KCNH7: variants seen among roughly 807,000 people sequenced by gnomAD.
KCNH7 encodes the protein voltage-gated inwardly rectifying potassium channel KCNH7.
KCNH7 carries 49 observed loss-of-function variants against 120.8 expected under a neutral mutation model. That is an observed-to-expected ratio of 0.41 (90% CI 0.32 to 0.51). The LOEUF (loss-of-function observed/expected upper bound fraction) is 0.51. Among genes scored for constraint, KCNH7 ranks in the 20% least tolerant of loss-of-function variants. The pLI, the probability that KCNH7 is intolerant of heterozygous loss-of-function variation, is 0.38. For missense variants in KCNH7, 1,097 were observed against 1,446.6 expected (o/e 0.76, Z 3.92); for synonymous variants, 547 against 516.1 (o/e 1.06, Z -0.81).
intron 2 of KCNH7, among the ~76,000 whole-genome samples, chr2:162,743,929 A>G (rs1688225113): frequency 6.6e-6 from 1 of 152,160 alleles, no homozygotes; most frequent in Non-Finnish European, 1.5e-5. Flanking sequence ...CCTTGACAAA[A>G]TTATCTAGCA....
At chr2:162,578,724 T>C (rs1343052034) in intron 2 of KCNH7, among the ~76,000 whole-genome samples, 1 of 152,058 alleles carries the variant, frequency 6.6e-6, no homozygotes, top group Non-Finnish European at 1.5e-5. Flanking sequence ...TTTGGGTATA[T>C]CCATTTACAA....
intron 2 of KCNH7, among the ~76,000 whole-genome samples, chr2:162,800,213 A>G (rs1245509913): frequency 6.6e-6 from 1 of 151,780 alleles, no homozygotes; most frequent in Non-Finnish European, 1.5e-5. Flanking sequence ...CATTGTAGAA[A>G]ATGAATGTAA....
chr2:162,630,014 C>T (rs965715914), intron 2 of KCNH7, among the ~76,000 whole-genome samples: 1 of 151,862 alleles, frequency 6.6e-6, no homozygotes, highest in Admixed American at 6.6e-5. Context: ...AGAAAATGTC[C>T]AGGTGATGAC....
chr2:162,631,459 G>A (rs976098089), intron 2 of KCNH7, among the ~76,000 whole-genome samples: 4 of 151,866 alleles, frequency 2.6e-5, no homozygotes, highest in Non-Finnish European at 5.9e-5. Context: ...TCTTATCAAT[G>A]GACAGATTCT....
chr2:162,738,766 C>A (rs57070403), intron 2 of KCNH7, among the ~76,000 whole-genome samples: 3,245 of 152,260 alleles, frequency 0.021, 71 homozygotes, highest in East Asian at 0.12. Flanking sequence ...TGGAGGATAA[C>A]TAAAAGAAAT....
At chr2:162,757,111 T>C (rs1252215519) in intron 2 of KCNH7, among the ~76,000 whole-genome samples, 1 of 152,202 alleles carries the variant, frequency 6.6e-6, no homozygotes, top group South Asian at 2.1e-4. Context: ...TAATTTTAGT[T>C]GTGCATTTTT....
chr2:162,635,854 A>G (rs1459438771), intron 2 of KCNH7, among the ~76,000 whole-genome samples: 1 of 152,062 alleles, frequency 6.6e-6, no homozygotes, highest in Non-Finnish European at 1.5e-5. Flanking sequence ...CAAATTCCCT[A>G]TGAGTTTTCA....
chr2:162,384,985 T>G, intron 12 of KCNH7, 46 bp from the exon 13 acceptor site: 3 of 1,491,112 alleles, frequency 2.0e-6, no homozygotes, highest in Non-Finnish European at 2.8e-6. Context: ...AGCAGACAAT[T>G]AAATGTGAGA....
intron 3 of KCNH7, among the ~76,000 whole-genome samples, chr2:162,535,036 C>T (rs1313755931): frequency 6.6e-6 from 1 of 151,642 alleles, no homozygotes; most frequent in African/African-American, 2.4e-5. Context: ...AGGCATTTTA[C>T]AAATTTCAGC....
At chr2:162,519,435 T>C (rs1320210471) in intron 3 of KCNH7, among the ~76,000 whole-genome samples, 1 of 151,822 alleles carries the variant, frequency 6.6e-6, no homozygotes, top group Non-Finnish European at 1.5e-5. Flanking sequence ...TATTTGTTCA[T>C]ATATGTTGCA....
At chr2:162,659,998 T>A (rs757262514) in intron 2 of KCNH7, among the ~76,000 whole-genome samples, 18 of 152,154 alleles carry the variant, frequency 1.2e-4, no homozygotes, top group Non-Finnish European at 2.6e-4. Flanking sequence ...CTGATATTAA[T>A]AATTTGTGTT....
intron 2 of KCNH7, among the ~76,000 whole-genome samples, chr2:162,663,590 T>C (rs569181823): frequency 6.6e-6 from 1 of 152,240 alleles, no homozygotes; most frequent in South Asian, 2.1e-4. Flanking sequence ...ATTTTCAAGA[T>C]AATAAAATGA....
chr2:162,526,456 T>C (rs993826664), intron 3 of KCNH7, among the ~76,000 whole-genome samples: 17 of 151,842 alleles, frequency 1.1e-4, no homozygotes, highest in African/African-American at 4.1e-4. Context: ...GCTTATTTCA[T>C]CCCTACAGCT....
At chr2:162,380,175 C>T (rs534217919) in intron 13 of KCNH7, among the ~76,000 whole-genome samples, 154 bp from the exon 14 acceptor site, 1 of 152,236 alleles carries the variant, frequency 6.6e-6, no homozygotes, top group South Asian at 2.1e-4. Flanking sequence ...GGGCCACGGC[C>T]AGTTGGTAGC....
intron 2 of KCNH7, among the ~76,000 whole-genome samples, chr2:162,698,762 C>T (rs1023037075): frequency 2.3e-4 from 35 of 152,096 alleles, no homozygotes; most frequent in African/African-American, 7.9e-4. Context: ...ATGGGACTAC[C>T]ATGGAGATAA....
intron 6 of KCNH7, among the ~76,000 whole-genome samples, chr2:162,484,877 G>A (rs1024260048): frequency 1.5e-4 from 23 of 152,094 alleles, no homozygotes; most frequent in Admixed American, 2.6e-4. Flanking sequence ...CTTCCATCAC[G>A]AGTGGAAGCA....
At chr2:162,583,259 A>G (rs1165757909) in intron 2 of KCNH7, among the ~76,000 whole-genome samples, 3 of 152,076 alleles carry the variant, frequency 2.0e-5, no homozygotes, top group African/African-American at 2.4e-5. Flanking sequence ...CAGATTTCCA[A>G]TAGTAAGGAG....
intron 2 of KCNH7, among the ~76,000 whole-genome samples, chr2:162,618,278 G>A (rs1041372751): frequency 6.6e-6 from 1 of 151,672 alleles, no homozygotes; most frequent in African/African-American, 2.4e-5. Flanking sequence ...TTGTAAATGA[G>A]AAATACCATG....
chr2:162,402,420 C>T (rs1687092104), intron 9 of KCNH7, among the ~76,000 whole-genome samples: 1 of 145,836 alleles, frequency 6.9e-6, no homozygotes, highest in Non-Finnish European at 1.5e-5. Context: ...AGTGTTGTGG[C>T]CAAATTTAGT....
Sources: gnomAD v4.1 joint callset for allele counts (sites outside exome capture counted in the v4.1 genomes callset) on GRCh38, gnomAD v4.1.1 for gene constraint, MANE v1.5 for transcripts, NCBI Gene and HGNC (gene_info 2026-07-23, HGNC 2026-07-21) for gene names.